The following CAPN3 variants were observed in gnomAD, a reference collection of about 807,000 sequenced individuals.
CAPN3 encodes calpain 3.
Under a neutral mutation model 114.0 loss-of-function variants are expected in CAPN3, and 88 were observed. That is an observed-to-expected ratio of 0.77 (90% confidence interval 0.65 to 0.92). The LOEUF (loss-of-function observed/expected upper bound fraction) is 0.92. CAPN3 is among the 40% of genes least tolerant of loss of function. The probability of loss-of-function intolerance (pLI) is 0.00; values close to 1 mark genes in which losing one functional copy is unlikely to be tolerated. For missense variants in CAPN3, 1,028 were observed against 1,069.0 expected (o/e 0.96, Z 0.53); for synonymous variants, 386 against 382.9 (o/e 1.01, Z -0.09).
At position 42,375,398 on chromosome 15, in the gene CAPN3, G is replaced by A. The variant is rs757340319; in HGVS notation, c.310-9085G>A. On this transcript the variant is annotated intron_variant, in intron 1 of 23. Coordinates refer to ENST00000397163, the MANE Select transcript of CAPN3 (RefSeq NM_000070.3). ...TTACGGGATGAAGCAGTTTGTGTCAGGCTACCTTATGGCGCAACCGAGAAG... is the reference window on the plus strand; with the variant it reads ...TTACGGGATGAAGCAGTTTGTGTCAAGCTACCTTATGGCGCAACCGAGAAG... Among the ~76,000 whole-genome samples the A allele has an allele frequency of 9.2e-5, 14 of 152,164 alleles. No individual in the cohort carries two copies. The South Asian group carries it at 2.1e-3, about 23-fold the overall frequency.
intron 10 of CAPN3, among the ~76,000 whole-genome samples, chr15:42,400,574 TAA>T (rs111623717): frequency 0.054 from 7,691 of 141,252 alleles, 599 homozygotes; most frequent in African/African-American, 0.17. Flanking sequence ...TTACAAAAAA[TAA>T]AAAAAAAAAT....
chr15:42,384,490 G>T lies in CAPN3; in HGVS notation c.317G>T (p.Cys106Phe). The T allele has an allele frequency of 6.2e-7, 1 of 1,612,994 alleles. No individual in the cohort carries two copies. The highest frequency in any genetic ancestry group is 8.5e-7 in the Non-Finnish European group (1 of 1,178,992). ...TTCCTTTTTGTTTCACAGGAAATTTGCGAGAATCCCCGATTTATCATTGAT... is the reference window on the plus strand; with the variant it reads ...TTCCTTTTTGTTTCACAGGAAATTTTCGAGAATCCCCGATTTATCATTGAT... ...QFVWKRPPEI[C>F]ENPRFIIDGA... Residue 106 changes from cysteine to phenylalanine, a missense_variant, in exon 2 of 24, where the codon TGC (cysteine) becomes TTC (phenylalanine). Cys to Phe is a radical substitution (Grantham distance 205, BLOSUM62 -2). Coordinates refer to ENST00000397163, the MANE Select transcript of CAPN3 (RefSeq NM_000070.3).
intron 15 of CAPN3, among the ~76,000 whole-genome samples, chr15:42,407,298 C>A (rs28364519): frequency 6.6e-6 from 1 of 151,996 alleles, no homozygotes; most frequent in East Asian, 1.9e-4. Flanking sequence ...CAGATTTTAC[C>A]ATTAAAGGAT....
intron 9 of CAPN3, among the ~76,000 whole-genome samples, chr15:42,398,831 C>T (rs1326803647): frequency 7.3e-6 from 1 of 137,120 alleles, no homozygotes; most frequent in East Asian, 2.3e-4. Context: ...GTCGCCCAGG[C>T]TGGCATACAA....
chr15:42,387,069 C>T (rs898671653), intron 3 of CAPN3, among the ~76,000 whole-genome samples: 1 of 152,136 alleles, frequency 6.6e-6, no homozygotes, highest in Non-Finnish European at 1.5e-5. Flanking sequence ...GCCTTGGGAA[C>T]ATGGCATATT....
At chr15:42,388,834 A>G in intron 4 of CAPN3, 94 bp from the exon 5 acceptor site, 2 of 974,832 alleles carry the variant, frequency 2.1e-6, no homozygotes, top group South Asian at 2.6e-5. Context: ...AGAACATCAC[A>G]GCATCCAAGA....
At position 42,371,081 on chromosome 15, in the gene CAPN3, A is replaced by G. The variant is rs542765959; in HGVS notation, c.309+10967A>G. On this transcript the variant is annotated intron_variant, in intron 1 of 23. Transcript: ENST00000397163. ...AAGGATTAAATGAGATTCTATACAT[A>G]ACATAATACAATGAGTCAATAAATA... Among the ~76,000 whole-genome samples the G allele has an allele frequency of 2.6e-5, 4 of 152,342 alleles. No individual in the cohort carries two copies. In the South Asian group the frequency reaches 8.3e-4, roughly 32 times the overall value.
chr15:42,401,480 C>T (rs528461921), intron 10 of CAPN3, among the ~76,000 whole-genome samples, 161 bp from the exon 11 acceptor site: 1 of 129,960 alleles, frequency 7.7e-6, no homozygotes, highest in Non-Finnish European at 1.7e-5. Flanking sequence ...AGCGCCCCCC[C>T]CCCCCCCAAA....
chr15:42,390,143 A>G (rs200460321), intron 6 of CAPN3, 47 bp downstream of exon 6: 894 of 1,609,530 alleles, frequency 5.6e-4, no homozygotes, highest in Non-Finnish European at 7.1e-4. Flanking sequence ...TCCAACCCAC[A>G]TGACCCCGCC....
chr15:42,410,685 T>G lies in CAPN3; in HGVS notation c.2263+19T>G, dbSNP rs2054189881. The G allele has an allele frequency of 6.2e-7, 1 of 1,600,522 alleles. No homozygotes were observed. Among genetic ancestry groups the G allele is most frequent in the African/African-American group, 1.4e-5 (1 of 72,966 alleles). On this transcript the variant is annotated intron_variant, in intron 21 of 23. Transcript: ENST00000397163. ...GACGCAGGTGCTGAGAAGGAAGGGG[T>G]GGCAGGGATGTGGACCCGAGACGGT...
intron 1 of CAPN3, among the ~76,000 whole-genome samples, chr15:42,368,412 CGT>C (rs1566968668): frequency 1.3e-5 from 2 of 152,144 alleles, no homozygotes; most frequent in Non-Finnish European, 2.9e-5. Flanking sequence ...GGAGGAAATA[CGT>C]GTGTCAGATA....
chr15:42,396,877 G>C lies in CAPN3; in HGVS notation c.1193G>C (p.Trp398Ser), dbSNP rs886042537. 1 of 1,611,514 alleles carries C rather than the reference G, an allele frequency of 6.2e-7. No individual in the cohort carries two copies. Among genetic ancestry groups the C allele is most frequent in the Non-Finnish European group, 8.5e-7 (1 of 1,177,672 alleles). ...QHQVTEDGEF[W>S]MSYEDFIYHF... ...CAGGTCACTGAGGATGGAGAGTTCT[G>C]GTGAGTCCAGAACCCAGGAAGACCC... is the stretch of plus-strand genomic sequence containing the variant. The change falls in exon 9 of 24, where the codon TGG (tryptophan) becomes TCG (serine). Residue 398 changes from tryptophan to serine, a missense_variant and splice_region_variant. By Grantham distance (177) the Trp-to-Ser change is radical. Transcript: ENST00000397163.
Position 42,359,598 on chromosome 15 carries a change from A to G in CAPN3, c.-208A>G. 1 of 1,423,812 alleles carries G rather than the reference A, an allele frequency of 7.0e-7. No homozygotes were observed. Among genetic ancestry groups the G allele is most frequent in the Non-Finnish European group, 9.1e-7 (1 of 1,093,656 alleles). The allele number at this position is 1,423,812 out of a possible 1,614,324, so 88.2% of individuals were successfully genotyped here. On this transcript the variant is annotated 5_prime_UTR_variant, in exon 1 of 24. Coordinates refer to ENST00000397163, the MANE Select transcript of CAPN3 (RefSeq NM_000070.3). Reference sequence around the variant, plus strand: ...CCTTTAGCACTCATTTCTCAGGAGAACTTATGGCTTCAGAATCACAGCTCG... The same window carrying G: ...CCTTTAGCACTCATTTCTCAGGAGAGCTTATGGCTTCAGAATCACAGCTCG...
intron 15 of CAPN3, among the ~76,000 whole-genome samples, chr15:42,407,631 A>G (rs1330817032): frequency 6.6e-6 from 1 of 152,120 alleles, no homozygotes; most frequent in East Asian, 1.9e-4. Context: ...GCCCGGCCAG[A>G]GAGGATATTT....
At chr15:42,373,998 C>G (rs547054742) in intron 1 of CAPN3, among the ~76,000 whole-genome samples, 1 of 152,258 alleles carries the variant, frequency 6.6e-6, no homozygotes, top group East Asian at 1.9e-4. Flanking sequence ...AGAATCCCAG[C>G]AAAGGGTGAT....
At chr15:42,382,289 C>T (rs1481184299) in intron 1 of CAPN3, among the ~76,000 whole-genome samples, 1 of 151,894 alleles carries the variant, frequency 6.6e-6, no homozygotes, top group African/African-American at 2.4e-5. Flanking sequence ...ATTCAATTTG[C>T]CCTTTCAATC....
chr15:42,410,992 G>A lies in CAPN3; in HGVS notation c.2372G>A (p.Gly791Asp). Residue 791 changes from glycine (G) to aspartate (D), a missense_variant, in exon 22 of 24, where the codon GGC becomes GAC. Physicochemically the swap from Gly to Asp is moderately conservative, Grantham distance 94. Transcript: ENST00000397163. ...SFICCFVRLEGMFRAFHAFDK... is the reference protein window; with the variant it reads ...SFICCFVRLEDMFRAFHAFDK... ...ATCTGCTGCTTCGTTAGGCTGGAGG[G>A]CATGTTCAGTAAGTGGGAGAGGGGG... 1.2e-6 allele frequency: 2 copies of A among 1,612,786 alleles called. No individual in the cohort carries two copies. The highest frequency in any genetic ancestry group is 8.5e-7 in the Non-Finnish European group (1 of 1,178,764).
chr15:42,384,947 C>A (rs1003442029), intron 2 of CAPN3, among the ~76,000 whole-genome samples: 15 of 152,174 alleles, frequency 9.9e-5, no homozygotes, highest in African/African-American at 3.6e-4. Flanking sequence ...AAAGGCATCG[C>A]CAAGGAAAGC....
At chr15:42,407,046 C>G (rs1323740105) in intron 15 of CAPN3, among the ~76,000 whole-genome samples, 1 of 151,986 alleles carries the variant, frequency 6.6e-6, no homozygotes. Flanking sequence ...CCCAGTTGTT[C>G]TCTGCATTGC....
Sources: gnomAD v4.1 joint callset for allele counts (sites outside exome capture counted in the v4.1 genomes callset) on GRCh38, gnomAD v4.1.1 for gene constraint, MANE v1.5 for transcripts, NCBI Gene and HGNC (gene_info 2026-07-23, HGNC 2026-07-21) for gene names.